Variants in FAT3 observed in about 807,000 individuals in gnomAD.
The protein encoded by FAT3 is FAT atypical cadherin 3, also known as protocadherin Fat 3.
In FAT3, 95 loss-of-function variants were observed where a neutral mutation model predicts 310.2. That is an observed-to-expected ratio of 0.31 (90% CI 0.26 to 0.36). FAT3 has a LOEUF of 0.36. FAT3 is among the 10% of genes least tolerant of loss of function. FAT3 has a pLI of 1.00. For missense variants in FAT3, 5,408 were observed against 5,715.6 expected, an observed-to-expected ratio of 0.95 and a Z score of 1.74; for synonymous variants, 2,314 against 2,192.9, an observed-to-expected ratio of 1.06 and a Z score of -1.54.
chr11:92,240,442 T>A (rs1311169490), intron 1 of FAT3, among the ~76,000 whole-genome samples: 2 of 151,998 alleles, frequency 1.3e-5, no homozygotes, highest in Non-Finnish European at 2.9e-5. Context: ...CATGGCTGTA[T>A]GTGTAATTTA....
chr11:92,353,715 G>C lies in FAT3; in HGVS notation c.1603G>C (p.Asp535His), dbSNP rs1948638158. ...TGVISTTEEL[D>H]FESSPEIYRF... ...TGTTATTAGCACAACTGAAGAACTG[G>C]ATTTTGAATCCTCCCCAGAAATTTA... is the stretch of plus-strand genomic sequence containing the variant. Residue 535 changes from aspartate (D) to histidine (H), a missense_variant, in exon 2 of 28, where the codon GAT becomes CAT. Coordinates refer to ENST00000525166, the MANE Select transcript of FAT3 (RefSeq NM_001367949.2). 1 of 1,613,778 alleles carries C rather than the reference G, an allele frequency of 6.2e-7. No individual in the cohort carries two copies. The highest frequency in any genetic ancestry group is 1.3e-5 in the African/African-American group (1 of 74,928).
At chr11:92,254,407 A>G (rs1311340115) in intron 1 of FAT3, among the ~76,000 whole-genome samples, 1 of 152,198 alleles carries the variant, frequency 6.6e-6, no homozygotes, top group Non-Finnish European at 1.5e-5. Context: ...AATGCATTTT[A>G]GAAAGATTTT....
chr11:92,417,336 A>G (rs532587895), intron 2 of FAT3, among the ~76,000 whole-genome samples: 1 of 152,358 alleles, frequency 6.6e-6, no homozygotes, highest in Non-Finnish European at 1.5e-5. Flanking sequence ...CTCAAATTCA[A>G]TATAATATGT....
At chr11:92,393,642 A>G (rs936221242) in intron 2 of FAT3, among the ~76,000 whole-genome samples, 3 of 152,184 alleles carry the variant, frequency 2.0e-5, no homozygotes, top group Admixed American at 6.5e-5. Flanking sequence ...CAAAGGTATT[A>G]AAAATAATGT....
At chr11:92,685,757 A>G (rs144906283) in intron 3 of FAT3, among the ~76,000 whole-genome samples, 108 of 152,208 alleles carry the variant, frequency 7.1e-4, no homozygotes, top group Admixed American at 3.4e-3. Context: ...GAATAAAAAT[A>G]TGGTTGCCCT....
chr11:92,844,087 C>T lies in FAT3; in HGVS notation c.10720C>T (p.His3574Tyr). The T allele has an allele frequency of 6.2e-7, 1 of 1,613,978 alleles. No homozygotes were observed. The highest frequency in any genetic ancestry group is 1.1e-5 in the South Asian group (1 of 91,070). Residue 3574 changes from histidine (H) to tyrosine (Y), a missense_variant, in exon 19 of 28, where the codon CAT becomes TAT. Around this residue, in one of 5 missense-constraint regions of FAT3, gnomAD observed 4,588 missense variants for 4,809.8 expected, o/e 0.95. Transcript: ENST00000525166. Reference sequence around the variant, plus strand: ...TCCTGGTGGGGTCATTGGGAAGATTCATGCCACAGATCAAGACATGTATGA... The same window carrying T: ...TCCTGGTGGGGTCATTGGGAAGATTTATGCCACAGATCAAGACATGTATGA... The part of the protein sequence containing the change: ...DFPGGVIGKI[H>Y]ATDQDMYDVL...
intron 3 of FAT3, among the ~76,000 whole-genome samples, chr11:92,578,278 G>A (rs56879612): frequency 0.015 from 2,243 of 152,186 alleles, 62 homozygotes; most frequent in African/African-American, 0.051. Context: ...TTGTGAGTGT[G>A]CTAAATCATT....
In FAT3 at chr11:92,225,106, C is replaced by A. The variant is rs1304323908; in HGVS notation, c.-86C>A. On this transcript the variant is annotated 5_prime_UTR_variant, in exon 1 of 28. Coordinates refer to ENST00000525166, the MANE Select transcript of FAT3 (RefSeq NM_001367949.2). Reference sequence around the variant, plus strand: ...ACCGGCTCGCCCGGAGCAAGAGCGCCGAGCACCGGGTGAAGAAGACCACGG... The same window carrying A: ...ACCGGCTCGCCCGGAGCAAGAGCGCAGAGCACCGGGTGAAGAAGACCACGG... Among the ~76,000 whole-genome samples, 1 of 152,134 alleles carries A rather than the reference C, an allele frequency of 6.6e-6. No individual in the cohort carries two copies. The highest frequency in any genetic ancestry group is 2.4e-5 in the African/African-American group (1 of 41,446).
intron 3 of FAT3, among the ~76,000 whole-genome samples, chr11:92,648,390 C>T (rs1263821554): frequency 6.6e-6 from 1 of 152,076 alleles, no homozygotes; most frequent in African/African-American, 2.4e-5. Flanking sequence ...CTGTGCAGGC[C>T]CCTCCAGGAC....
chr11:92,504,151 T>C (rs1464437389), intron 2 of FAT3, among the ~76,000 whole-genome samples: 1 of 152,150 alleles, frequency 6.6e-6, no homozygotes, highest in Non-Finnish European at 1.5e-5. Context: ...CCACATCATA[T>C]GCCAAAAACA....
rs372383832 is a variant in FAT3, at chr11:92,354,424, A to G, written c.2312A>G (p.Asp771Gly). Residue 771 changes from aspartate to glycine, a missense_variant, in exon 2 of 28, where the codon GAT becomes GGT. Asp to Gly is a moderately conservative substitution (Grantham distance 94). Around this residue, in one of 5 missense-constraint regions of FAT3, gnomAD observed 4,588 missense variants for 4,809.8 expected, o/e 0.95. Coordinates refer to ENST00000525166, the MANE Select transcript of FAT3 (RefSeq NM_001367949.2). ...VLFTISDGNT[D>G]SCFNIDMETG... is the part of the protein sequence containing the mutation. ...TTTACAATATCAGATGGAAATACGG[A>G]TAGTTGCTTTAATATTGATATGGAG... 1.9e-6 allele frequency: 3 copies of G among 1,613,768 alleles called. No individual in the cohort carries two copies. Among genetic ancestry groups the G allele is most frequent in the African/African-American group, 2.7e-5 (2 of 74,896 alleles).
In FAT3 at chr11:92,844,820, T is replaced by C. The variant is rs193118099; in HGVS notation, c.11365+88T>C. The C allele has an allele frequency of 9.0e-6, 12 of 1,334,176 alleles. No homozygotes were observed. In the East Asian group the frequency reaches 2.8e-4, roughly 31 times the overall value. The allele number at this position is 1,334,176 out of a possible 1,614,324, so 82.6% of individuals were successfully genotyped here. A position where few individuals can be genotyped will look rare whatever the true frequency, so the allele number is the denominator to read the frequency against. Reference sequence around the variant, plus strand: ...ATTCCAGCATGCCTGCATTCAATCATTCGTTCAACTAAATATTAAATGATC... The same window carrying C: ...ATTCCAGCATGCCTGCATTCAATCACTCGTTCAACTAAATATTAAATGATC... On this transcript the variant is annotated intron_variant, in intron 19 of 27. Coordinates refer to ENST00000525166, the MANE Select transcript of FAT3 (RefSeq NM_001367949.2).
chr11:92,851,859 CT>C (rs1948837887), intron 19 of FAT3, among the ~76,000 whole-genome samples: 1 of 152,294 alleles, frequency 6.6e-6, no homozygotes, highest in East Asian at 1.9e-4. Context: ...TTGATACTGC[CT>C]TCTCTTAACT....
chr11:92,859,336 G>T lies in FAT3; in HGVS notation c.11658+14G>T. The T allele has an allele frequency of 6.4e-7, 1 of 1,565,934 alleles. No homozygotes were observed. Among genetic ancestry groups the T allele is most frequent in the Non-Finnish European group, 8.7e-7 (1 of 1,149,820 alleles). On this transcript the variant is annotated intron_variant, in intron 21 of 27. Coordinates refer to ENST00000525166, the MANE Select transcript of FAT3 (RefSeq NM_001367949.2). Reference sequence around the variant, plus strand: ...ATAATTCTGAAGGTAATTAAAATGGGTTATCTTTTTCTGCAGTCAGTTCTC... The same window carrying T: ...ATAATTCTGAAGGTAATTAAAATGGTTTATCTTTTTCTGCAGTCAGTTCTC...
chr11:92,527,211 T>A (rs760909841), intron 3 of FAT3, among the ~76,000 whole-genome samples: 1 of 152,096 alleles, frequency 6.6e-6, no homozygotes, highest in Non-Finnish European at 1.5e-5. Context: ...TAGAACACAG[T>A]GGGGGAAACA....
At chr11:92,604,134 A>G (rs569965121) in intron 3 of FAT3, among the ~76,000 whole-genome samples, 1 of 152,312 alleles carries the variant, frequency 6.6e-6, no homozygotes, top group South Asian at 2.1e-4. Context: ...CCCATCAGCT[A>G]TGCTAATTAG....
intron 6 of FAT3, 52 bp from the exon 7 acceptor site, chr11:92,773,989 C>A: frequency 1.3e-6 from 2 of 1,597,398 alleles, no homozygotes; most frequent in African/African-American, 1.3e-5. Flanking sequence ...TGATATAATG[C>A]ATGTAACAAG....
In FAT3 at chr11:92,809,908, G is replaced by A. The variant is rs1377070763; in HGVS notation, c.9313G>A (p.Ala3105Thr). 1 of 1,613,914 alleles carries A rather than the reference G, an allele frequency of 6.2e-7. No individual in the cohort carries two copies. Among genetic ancestry groups the A allele is most frequent in the Non-Finnish European group, 8.5e-7 (1 of 1,179,890 alleles). Reference protein sequence around the residue: ...RIPVYSLMAKATDGGGRFCQS... With the variant: ...RIPVYSLMAKTTDGGGRFCQS... ...CCCCGTGTACAGCCTGATGGCCAAGGCCACTGACGGGGGTGGCAGGTTCTG... is the reference window on the plus strand; with the variant it reads ...CCCCGTGTACAGCCTGATGGCCAAGACCACTGACGGGGGTGGCAGGTTCTG... Residue 3105 changes from alanine to threonine, a missense_variant, in exon 13 of 28, where the codon GCC (alanine) becomes ACC (threonine). Transcript: ENST00000525166.
At chr11:92,728,071 G>GCT (rs997471799) in intron 4 of FAT3, among the ~76,000 whole-genome samples, 1 of 152,102 alleles carries the variant, frequency 6.6e-6, no homozygotes, top group African/African-American at 2.4e-5. Context: ...GTTTTACATA[G>GCT]CTCTGGTGGT....
Sources: gnomAD v4.1 joint callset for allele counts (sites outside exome capture counted in the v4.1 genomes callset) on GRCh38, gnomAD v4.1.1 for gene constraint, gnomAD v4.1.1 regional missense constraint, MANE v1.5 for transcripts, NCBI Gene and HGNC (gene_info 2026-07-23, HGNC 2026-07-21) for gene names.